VIPR2: variants seen among roughly 807,000 people sequenced by gnomAD.
VIPR2 encodes vasoactive intestinal polypeptide receptor 2.
Under a neutral mutation model 58.0 loss-of-function variants are expected in VIPR2, and 48 were observed. That is an observed-to-expected ratio of 0.83 (90% CI 0.66 to 1.05). The LOEUF is 1.05. Among genes scored for constraint, VIPR2 ranks in the 50% least tolerant of loss-of-function variants. The pLI, the probability that VIPR2 is intolerant of heterozygous loss-of-function variation, is 0.00. For missense variants in VIPR2, 534 were observed against 558.0 expected, an observed-to-expected ratio of 0.96 and a Z score of 0.43; for synonymous variants, 243 against 235.2, an observed-to-expected ratio of 1.03 and a Z score of -0.30.
chr7:159,067,455 C>T lies in VIPR2; in HGVS notation c.358-8877G>A, dbSNP rs116558577. Among the ~76,000 whole-genome samples, 48 of 152,352 alleles carry T rather than the reference C, an allele frequency of 3.2e-4. No homozygotes were observed. In the East Asian group the frequency reaches 4.6e-3, roughly 15 times the overall value. Reference sequence around the variant, plus strand: ...TTTCCACCAACGGCCCAGAACCCAGCGTGCATGAGGAGCTGGCGCCGGCCT... The same window carrying T: ...TTTCCACCAACGGCCCAGAACCCAGTGTGCATGAGGAGCTGGCGCCGGCCT... On this transcript the variant is annotated intron_variant, in intron 4 of 12. Coordinates refer to ENST00000262178, the MANE Select transcript of VIPR2 (RefSeq NM_003382.5).
intron 2 of VIPR2, among the ~76,000 whole-genome samples, chr7:159,132,596 T>C (rs1156721149): frequency 6.6e-6 from 1 of 152,254 alleles, no homozygotes; most frequent in African/African-American, 2.4e-5. Context: ...CCAGAGCCCG[T>C]GCCTTTCTGG....
intron 4 of VIPR2, among the ~76,000 whole-genome samples, chr7:159,086,657 G>A (rs75499153): frequency 0.014 from 2,128 of 152,318 alleles, 31 homozygotes; most frequent in Admixed American, 0.034. Flanking sequence ...TGACAGCTGC[G>A]CTGATTCTCC....
At chr7:159,112,959 T>C (rs1403306490) in intron 2 of VIPR2, among the ~76,000 whole-genome samples, 1 of 151,836 alleles carries the variant, frequency 6.6e-6, no homozygotes, top group Non-Finnish European at 1.5e-5. Context: ...GGACCCCGAC[T>C]GTGTGAGCAG....
intron 2 of VIPR2, among the ~76,000 whole-genome samples, chr7:159,115,581 G>C (rs1417951404): frequency 6.6e-6 from 1 of 152,242 alleles, no homozygotes; most frequent in Non-Finnish European, 1.5e-5. Flanking sequence ...GCTGAAACAG[G>C]ACTTCAATCT....
rs1375411526 is a variant in VIPR2 at position 159,031,551 on chromosome 7, C to T, written c.1143+277G>A. The T allele has an allele frequency of 1.3e-5, 13 of 985,270 alleles. No individual in the cohort carries two copies. Among genetic ancestry groups the T allele is most frequent in the Non-Finnish European group, 1.6e-5 (13 of 829,940 alleles). The allele number at this position is 985,270 out of a possible 1,614,324, so 61.0% of individuals were successfully genotyped here. A position where few individuals can be genotyped will look rare whatever the true frequency, so the allele number is the denominator to read the frequency against. On this transcript the variant is annotated intron_variant, in intron 12 of 12. Transcript: ENST00000262178. The surrounding 1 kb of genome is among the most constrained non-coding windows in gnomAD (Gnocchi z 4.0). ...GGGAAAAACAGATTCTGTCTAGACC[C>T]GGCCGGGAGCTTTCCCGAGAGGGCT...
intron 5 of VIPR2, among the ~76,000 whole-genome samples, chr7:159,046,060 TAAGAA>T: frequency 6.6e-6 from 1 of 152,044 alleles, no homozygotes; most frequent in East Asian, 1.9e-4. Flanking sequence ...AATAATAAAT[TAAGAA>T]AACAAAATAA....
At chr7:159,089,937 C>T (rs987993120) in intron 4 of VIPR2, among the ~76,000 whole-genome samples, 3 of 152,234 alleles carry the variant, frequency 2.0e-5, no homozygotes, top group Admixed American at 1.3e-4. Flanking sequence ...TAAAAAATTA[C>T]TGTGGATGAA....
chr7:159,099,481 G>A lies in VIPR2; in HGVS notation c.357+4276C>T, dbSNP rs1858078352. Among the ~76,000 whole-genome samples the A allele has an allele frequency of 2.0e-5, 3 of 152,166 alleles. No individual in the cohort carries two copies. Among genetic ancestry groups the A allele is most frequent in the South Asian group, 2.1e-4 (1 of 4,834 alleles). The stretch of plus-strand genomic sequence containing the variant: ...GTGGGCTGACATTGCCACAGCAGGC[G>A]GCGGCTGTCACTGCCTCCCAGATCC... On this transcript the variant is annotated intron_variant, in intron 4 of 12. Coordinates refer to ENST00000262178, the MANE Select transcript of VIPR2 (RefSeq NM_003382.5). The surrounding 1 kb of genome is among the most constrained non-coding windows in gnomAD (Gnocchi z 4.2).
In VIPR2 at chr7:159,097,433, C is replaced by T. The variant is rs1002619003; in HGVS notation, c.357+6324G>A. Among the ~76,000 whole-genome samples the T allele has an allele frequency of 6.6e-5, 10 of 152,174 alleles. No individual in the cohort carries two copies. The highest frequency in any genetic ancestry group is 1.2e-4 in the Non-Finnish European group (8 of 68,020). ...TTACGGGAGCCGGCCCCCTCGCGTG[C>T]CCACCACGGTGTGCTGCTGAGGCCA... On this transcript the variant is annotated intron_variant, in intron 4 of 12. Coordinates refer to ENST00000262178, the MANE Select transcript of VIPR2 (RefSeq NM_003382.5). The surrounding 1 kb of genome is among the most constrained non-coding windows in gnomAD (Gnocchi z 5.3).
At chr7:159,121,062 C>A (rs1796434885) in intron 2 of VIPR2, among the ~76,000 whole-genome samples, 1 of 152,098 alleles carries the variant, frequency 6.6e-6, no homozygotes, top group African/African-American at 2.4e-5. Flanking sequence ...ACCTTTGGGG[C>A]AGAAACCTGC....
At chr7:159,032,229 A>G (rs890467366) in intron 10 of VIPR2, among the ~76,000 whole-genome samples, 162 bp from the exon 11 acceptor site, 3 of 152,166 alleles carry the variant, frequency 2.0e-5, no homozygotes, top group African/African-American at 7.2e-5. Context: ...CTGTTTCTTT[A>G]CGTTTATGTC....
chr7:159,082,824 C>T (rs1262804431), intron 4 of VIPR2, among the ~76,000 whole-genome samples: 3 of 152,180 alleles, frequency 2.0e-5, no homozygotes, highest in African/African-American at 7.2e-5. Context: ...ACAGATAGAC[C>T]TGCTCCCAGA....
intron 4 of VIPR2, among the ~76,000 whole-genome samples, chr7:159,070,604 G>C (rs950436714): frequency 6.6e-6 from 1 of 152,234 alleles, no homozygotes; most frequent in East Asian, 1.9e-4. Context: ...CTGACAGAAG[G>C]GCCCCACAAG....
chr7:159,129,842 G>C (rs1297590949), intron 2 of VIPR2, among the ~76,000 whole-genome samples: 19 of 81,996 alleles, frequency 2.3e-4, no homozygotes, highest in African/African-American at 7.9e-4. Context: ...TGGCCTCTGA[G>C]GGGGACAGGG....
chr7:159,046,343 TA>T (rs2129493585), intron 5 of VIPR2, among the ~76,000 whole-genome samples: 1 of 152,310 alleles, frequency 6.6e-6, no homozygotes, highest in African/African-American at 2.4e-5. Context: ...ACGGATAAAC[TA>T]AATGTGGCAT....
At chr7:159,048,082 T>C (rs1463425809) in intron 5 of VIPR2, among the ~76,000 whole-genome samples, 4 of 152,184 alleles carry the variant, frequency 2.6e-5, no homozygotes, top group Admixed American at 1.3e-4. Flanking sequence ...TGAATAAATA[T>C]GCAGAATATT....
chr7:159,093,940 G>A lies in VIPR2; in HGVS notation c.357+9817C>T, dbSNP rs1049783028. 6.6e-5 allele frequency among the ~76,000 whole-genome samples: 10 copies of A among 152,340 alleles called. No individual in the cohort carries two copies. The South Asian group carries it at 1.9e-3, about 28-fold the overall frequency. On this transcript the variant is annotated intron_variant, in intron 4 of 12. Coordinates refer to ENST00000262178, the MANE Select transcript of VIPR2 (RefSeq NM_003382.5). This position sits in a 1 kb window ranked among gnomAD's most constrained non-coding sequence, Gnocchi z 6.7. The stretch of plus-strand genomic sequence containing the variant: ...TTTCAGGGCTGGTGGTCATGTCTGC[G>A]TGATGGAAAGGGAGCAGGAAGCTGA...
chr7:159,078,022 T>G (rs1332937353), intron 4 of VIPR2, among the ~76,000 whole-genome samples: 1 of 152,232 alleles, frequency 6.6e-6, no homozygotes, highest in Admixed American at 6.5e-5. Context: ...AAATTTGATA[T>G]AAACTTCAGA....
At chr7:159,114,861 G>A (rs1796178361) in intron 2 of VIPR2, among the ~76,000 whole-genome samples, 1 of 151,914 alleles carries the variant, frequency 6.6e-6, no homozygotes, top group Admixed American at 6.6e-5. Flanking sequence ...GGAGCGGGGA[G>A]GGAAGAAAAA....
Sources: gnomAD v4.1 joint callset for allele counts (sites outside exome capture counted in the v4.1 genomes callset) on GRCh38, gnomAD v4.1.1 for gene constraint, Gnocchi (gnomAD v3.1) non-coding constraint, MANE v1.5 for transcripts, NCBI Gene and HGNC (gene_info 2026-07-23, HGNC 2026-07-21) for gene names.